RORA: variants seen among roughly 807,000 people sequenced by gnomAD.
RORA encodes nuclear receptor ROR-alpha.
Under a neutral mutation model 69.5 loss-of-function variants are expected in RORA, and 7 were observed. That is an observed-to-expected ratio of 0.10 (90% CI 0.06 to 0.19). RORA has a LOEUF of 0.19. Ranked by LOEUF, RORA falls within the 10% of genes least tolerant of loss-of-function variation. The pLI is 1.00. For missense variants in RORA, 457 were observed against 663.0 expected (o/e 0.69, Z 3.41); for synonymous variants, 261 against 240.8 (o/e 1.08, Z -0.78).
rs1348257302 is a variant in RORA at position 61,139,188 on chromosome 15, C to T, written c.166+89865G>A. Among the ~76,000 whole-genome samples the T allele has an allele frequency of 2.6e-5, 4 of 151,474 alleles. No individual in the cohort carries two copies. The East Asian group carries it at 7.8e-4, about 29-fold the overall frequency. On this transcript the variant is annotated intron_variant, in intron 1 of 10. Coordinates refer to ENST00000335670, the MANE Select transcript of RORA (RefSeq NM_134261.3). ...AAACGTTTCTTTTTAAACTGCAAAACTCTCTATCTTTAATGCTAATATGCA... is the reference window on the plus strand; with the variant it reads ...AAACGTTTCTTTTTAAACTGCAAAATTCTCTATCTTTAATGCTAATATGCA...
intron 1 of RORA, among the ~76,000 whole-genome samples, chr15:61,107,204 G>T (rs1046069738): frequency 6.6e-6 from 1 of 152,136 alleles, no homozygotes; most frequent in Non-Finnish European, 1.5e-5. Flanking sequence ...ACACACAGGA[G>T]ACCACCATTA....
At chr15:60,900,537 G>A (rs750382178) in intron 1 of RORA, among the ~76,000 whole-genome samples, 4 of 152,056 alleles carry the variant, frequency 2.6e-5, no homozygotes, top group Non-Finnish European at 5.9e-5. Flanking sequence ...GTGTGTTTGG[G>A]GCATATATCT....
chr15:60,766,163 T>A (rs1392538248), intron 1 of RORA, among the ~76,000 whole-genome samples: 1 of 152,070 alleles, frequency 6.6e-6, no homozygotes, highest in African/African-American at 2.4e-5. Context: ...TTGTTGAAAA[T>A]AGTTCTGCTC....
chr15:60,614,066 A>G (rs2069166088), intron 2 of RORA, among the ~76,000 whole-genome samples: 1 of 152,188 alleles, frequency 6.6e-6, no homozygotes, highest in Non-Finnish European at 1.5e-5. Context: ...TTAGTAAAAA[A>G]ATGGTCATTT....
At chr15:60,633,958 TA>T (rs1413141341) in intron 2 of RORA, among the ~76,000 whole-genome samples, 1 of 152,244 alleles carries the variant, frequency 6.6e-6, no homozygotes, top group Non-Finnish European at 1.5e-5. Flanking sequence ...CAATGATCCC[TA>T]AATATTCTTT....
chr15:60,871,238 T>A (rs918816856), intron 1 of RORA, among the ~76,000 whole-genome samples: 16 of 150,552 alleles, frequency 1.1e-4, no homozygotes, highest in Admixed American at 1.1e-3. Flanking sequence ...CAAAGATTTG[T>A]TTTTTTTTCA....
rs746016762 is a variant in RORA at position 61,128,918 on chromosome 15, C to A, written c.166+100135G>T. On this transcript the variant is annotated intron_variant, in intron 1 of 10. Coordinates refer to ENST00000335670, the MANE Select transcript of RORA (RefSeq NM_134261.3). This position sits in a 1 kb window ranked among gnomAD's most constrained non-coding sequence, Gnocchi z 4.5. ...ACCCAAGAAGAGACACTGGCCGTGG[C>A]ACCACGTGCCTGCCTTGGGCCCACT... is the stretch of plus-strand genomic sequence containing the variant. 2.6e-5 allele frequency among the ~76,000 whole-genome samples: 4 copies of A among 152,236 alleles called. No homozygotes were observed. The highest frequency in any genetic ancestry group is 5.9e-5 in the Non-Finnish European group (4 of 68,040).
chr15:60,627,480 G>A (rs2069621610), intron 2 of RORA: 1 of 1,558,022 alleles, frequency 6.4e-7, no homozygotes, highest in Non-Finnish European at 8.7e-7. Context: ...CAGCTGGGTG[G>A]AGAATGATGG....
At chr15:60,637,175 T>TATTC (rs1234465278) in intron 2 of RORA, among the ~76,000 whole-genome samples, 2 of 152,150 alleles carry the variant, frequency 1.3e-5, no homozygotes, top group Non-Finnish European at 2.9e-5. Context: ...TATCAATTTA[T>TATTC]ATTCACAGTA....
intron 1 of RORA, among the ~76,000 whole-genome samples, chr15:60,685,454 G>C (rs1174756913): frequency 6.6e-6 from 1 of 152,258 alleles, no homozygotes; most frequent in African/African-American, 2.4e-5. Flanking sequence ...ATATCACTTT[G>C]TGCTGGCCTT....
At chr15:61,103,416 C>T (rs922720207) in intron 1 of RORA, among the ~76,000 whole-genome samples, 10 of 152,230 alleles carry the variant, frequency 6.6e-5, no homozygotes, top group African/African-American at 2.4e-4. Flanking sequence ...ATGACTTCCA[C>T]TTTCCAGAAA....
intron 1 of RORA, among the ~76,000 whole-genome samples, chr15:60,983,778 T>C (rs986740005): frequency 2.0e-5 from 3 of 152,170 alleles, no homozygotes; most frequent in Non-Finnish European, 2.9e-5. Flanking sequence ...ATACCTCAAA[T>C]GCACTGATTG....
At position 60,876,311 on chromosome 15, in the gene RORA, TGGGG is replaced by T. The variant is rs56278031; in HGVS notation, c.167-197629_167-197626del. ...GTCATTTGTGGGCTCTTACAGGAAG[TGGGG>T]GGGGGGGGGGGCGGCTAGGAGACCA... is the stretch of plus-strand genomic sequence containing the variant. On this transcript the variant is annotated intron_variant, in intron 1 of 10. Coordinates refer to ENST00000335670, the MANE Select transcript of RORA (RefSeq NM_134261.3). 2.5e-3 allele frequency among the ~76,000 whole-genome samples: 253 copies of T among 102,424 alleles called. 7 individuals carry two copies. The highest frequency in any genetic ancestry group is 7.9e-3 in the South Asian group (26 of 3,278). The allele number at this position is 102,424 out of a possible 152,430, so 67.2% of individuals were successfully genotyped here.
Position 61,137,389 on chromosome 15 carries a change from C to T in RORA, c.166+91664G>A, listed in dbSNP as rs150119902. On this transcript the variant is annotated intron_variant, in intron 1 of 10. Transcript: ENST00000335670. ...CCCAAACCTGGAGACTGTGGCTCAA[C>T]TGCCTTTTGTGTTTTTGAACATTAA... 1.1e-3 allele frequency among the ~76,000 whole-genome samples: 166 copies of T among 152,356 alleles called. 1 individual carries two copies. The highest frequency in any genetic ancestry group is 3.9e-3 in the African/African-American group (162 of 41,584).
intron 2 of RORA, among the ~76,000 whole-genome samples, chr15:60,546,655 T>C (rs1006232070): frequency 2.0e-5 from 3 of 152,224 alleles, no homozygotes; most frequent in African/African-American, 7.2e-5. Context: ...AAAGCTTCAA[T>C]GTCACAACTA....
chr15:60,865,169 T>C (rs567517674), intron 1 of RORA, among the ~76,000 whole-genome samples: 11 of 152,340 alleles, frequency 7.2e-5, no homozygotes, highest in African/African-American at 2.6e-4. Context: ...ATAGACCTGA[T>C]AAACCCTGAA....
intron 3 of RORA, among the ~76,000 whole-genome samples, chr15:60,519,128 G>A (rs1038141831): frequency 2.6e-5 from 4 of 151,984 alleles, no homozygotes; most frequent in Non-Finnish European, 5.9e-5. Flanking sequence ...TAAAAGGTTC[G>A]CAGTTTCAGG....
At chr15:61,073,217 G>C (rs145692437) in intron 1 of RORA, among the ~76,000 whole-genome samples, 2 of 152,308 alleles carry the variant, frequency 1.3e-5, no homozygotes, top group African/African-American at 2.4e-5. Context: ...CTTGAGATTC[G>C]TAAGCCAAAG....
At chr15:60,979,556 A>G (rs12909834) in intron 1 of RORA, among the ~76,000 whole-genome samples, 30,633 of 152,064 alleles carry the variant, frequency 0.2, 3,520 homozygotes, top group Non-Finnish European at 0.26. Flanking sequence ...CCTTGGTTAA[A>G]TTTATTCATA....
Sources: allele counts gnomAD v4.1 joint callset (sites outside exome capture counted in the v4.1 genomes callset), GRCh38; gene constraint gnomAD v4.1.1; non-coding constraint Gnocchi (gnomAD v3.1); transcripts MANE v1.5; gene names NCBI Gene and HGNC (gene_info 2026-07-23, HGNC 2026-07-21).